The following SMG8 variants were observed in gnomAD, a reference collection of about 807,000 sequenced individuals.
SMG8 encodes the protein nonsense-mediated mRNA decay factor SMG8.
SMG8 carries 49 observed loss-of-function variants against 82.1 expected under a neutral mutation model. That is an observed-to-expected ratio of 0.60 (90% confidence interval 0.47 to 0.76). The LOEUF is 0.76. Ranked by LOEUF, SMG8 falls within the 30% of genes least tolerant of loss-of-function variation. The pLI is 0.00. For missense variants in SMG8, 969 were observed against 1,166.4 expected (o/e 0.83, Z 2.46); for synonymous variants, 404 against 430.0 (o/e 0.94, Z 0.75).
rs759085604 is a variant in SMG8 at position 59,212,386 on chromosome 17, A to G, written c.1805A>G (p.Asn602Ser). ...AGAAATCCGCCTGTGCTATATCACA[A>G]TAGCCGAGCTCGATCTACTGGTGCT... Reference protein sequence around the residue: ...ADRNPPVLYHNSRARSTGACN... With the variant: ...ADRNPPVLYHSSRARSTGACN... Residue 602 changes from asparagine (N) to serine (S), a missense_variant, in exon 2 of 4, where the codon AAT becomes AGT. By Grantham distance (46) the Asn-to-Ser change is conservative. Around this residue, in one of 3 missense-constraint regions of SMG8, gnomAD observed 662 missense variants for 884.8 expected, o/e 0.75. Coordinates refer to ENST00000300917, the MANE Select transcript of SMG8 (RefSeq NM_018149.7). 4 of 1,605,760 alleles carry G rather than the reference A, an allele frequency of 2.5e-6. No individual in the cohort carries two copies. The highest frequency in any genetic ancestry group is 2.2e-5 in the East Asian group (1 of 44,732).
In SMG8 at chr17:59,212,932, A is replaced by G; in HGVS notation, c.2109A>G (p.Thr703=). The G allele has an allele frequency of 6.2e-7, 1 of 1,614,150 alleles. No homozygotes were observed. The highest frequency in any genetic ancestry group is 1.1e-5 in the South Asian group (1 of 91,074). Residue 703 remains threonine (T), a synonymous_variant, in exon 3 of 4, where the codon ACA becomes ACG. Transcript: ENST00000300917. Reference sequence around the variant, plus strand: ...TAGCTTTGAGTTTGGGCCAATCCACAGATAGCTTAGGTACCTATCCAGCTG... The same window carrying G: ...TAGCTTTGAGTTTGGGCCAATCCACGGATAGCTTAGGTACCTATCCAGCTG... ...LSLALSLGQS[T]DSLGTYPADP... is the part of the protein sequence containing the mutation.
chr17:59,215,120 A>C lies in SMG8; in HGVS notation c.*118A>C. The C allele has an allele frequency of 4.6e-6, 3 of 649,800 alleles. No homozygotes were observed. The highest frequency in any genetic ancestry group is 8.2e-6 in the Non-Finnish European group (3 of 367,030). 40.3% of individuals were successfully genotyped at this position (649,800 alleles called of 1,614,324 possible). The stretch of plus-strand genomic sequence containing the variant: ...CAAATCCAAAATGTGTTTTGGTTAC[A>C]GGAGTTCAGTATTTGGAAACTAATT... On this transcript the variant is annotated 3_prime_UTR_variant, in exon 4 of 4. Coordinates refer to ENST00000300917, the MANE Select transcript of SMG8 (RefSeq NM_018149.7).
At chr17:59,212,292 A>G (rs2046949029) in intron 1 of SMG8, 49 bp from the exon 2 acceptor site, 1 of 1,495,986 alleles carries the variant, frequency 6.7e-7, no homozygotes, top group Non-Finnish European at 9.0e-7. Context: ...TGCAAAGTAA[A>G]TTCGCACATT....
rs769442181 is a variant in SMG8 at position 59,210,547 on chromosome 17, TGTC to T, written c.498_500del (p.Cys166_Arg167delinsTrp). Reference sequence around the variant, plus strand: ...TGACAATTCACAGCTTCTCCGGGCTTGTCGGGCTCTTCAGAGCGGGGAAGCTGG... The same window carrying T: ...TGACAATTCACAGCTTCTCCGGGCTTGGGCTCTTCAGAGCGGGGAAGCTGG... On this transcript the variant is annotated inframe_deletion, in exon 1 of 4. Coordinates refer to ENST00000300917, the MANE Select transcript of SMG8 (RefSeq NM_018149.7). 3 of 1,566,752 alleles carry T rather than the reference TGTC, an allele frequency of 1.9e-6. No homozygotes were observed. In the African/African-American group the frequency reaches 4.1e-5, roughly 21 times the overall value.
chr17:59,212,151 A>G (rs140863002), intron 1 of SMG8, 190 bp from the exon 2 acceptor site: 2 of 451,208 alleles, frequency 4.4e-6, no homozygotes, highest in East Asian at 6.6e-5. Flanking sequence ...TAATGGTAGC[A>G]GGAGGAAAAA....
Position 59,210,462 on chromosome 17 carries a change from T to C in SMG8, c.411T>C (p.Leu137=). The C allele has an allele frequency of 6.2e-7, 1 of 1,601,186 alleles. No individual in the cohort carries two copies. Among genetic ancestry groups the C allele is most frequent in the South Asian group, 1.1e-5 (1 of 89,124 alleles). The change falls in exon 1 of 4, where the codon CTT becomes CTC. Residue 137 remains leucine (L), a synonymous_variant. Transcript: ENST00000300917. The part of the protein sequence containing the change: ...RTEAGSQDYS[L]LQAYYSQESK... ...AGGCAGGCTCCCAGGACTACAGCCT[T>C]CTGCAGGCCTACTACAGTCAGGAAA...
exon 4 of SMG8, chr17:59,215,229 AAT>A (rs2046962235): frequency 2.1e-6 from 1 of 465,448 alleles, no homozygotes; most frequent in Non-Finnish European, 3.8e-6. Flanking sequence ...TCTAGAAAAG[AAT>A]ATAAAATACA....
rs765633458 is a variant in SMG8 at position 59,211,064 on chromosome 17, T to C, written c.1013T>C (p.Ile338Thr). ...CCTGCCAACCAAGCTTTCGTGTACA[T>C]AGTACCGGGAAGCCAGGAGGAGGAC... is the stretch of plus-strand genomic sequence containing the variant. ...TVPANQAFVY[I>T]VPGSQEEDPV... Residue 338 changes from isoleucine to threonine, a missense_variant, in exon 1 of 4, where the codon ATA (isoleucine) becomes ACA (threonine). Physicochemically the swap from Ile to Thr is moderately conservative, Grantham distance 89. This residue lies in a region of SMG8 where 662 missense variants were observed against 884.8 expected (regional missense o/e 0.75). Coordinates refer to ENST00000300917, the MANE Select transcript of SMG8 (RefSeq NM_018149.7). 1 of 1,614,180 alleles carries C rather than the reference T, an allele frequency of 6.2e-7. No individual in the cohort carries two copies. Among genetic ancestry groups the C allele is most frequent in the Non-Finnish European group, 8.5e-7 (1 of 1,180,014 alleles).
rs1671192812 is a variant in SMG8 at position 59,212,356 on chromosome 17, C to G, written c.1775C>G (p.Ala592Gly). The stretch of plus-strand genomic sequence containing the variant: ...TATTTTCCAGGAGAAAAACCAGAGG[C>G]TGATAGAAATCCGCCTGTGCTATAT... ...SLPKSGEKPEADRNPPVLYHN... is the reference protein window; with the variant it reads ...SLPKSGEKPEGDRNPPVLYHN... Residue 592 changes from alanine to glycine, a missense_variant, in exon 2 of 4, where the codon GCT (alanine) becomes GGT (glycine). Ala to Gly is a moderately conservative substitution (Grantham distance 60, BLOSUM62 0). Around this residue, in one of 3 missense-constraint regions of SMG8, gnomAD observed 662 missense variants for 884.8 expected, o/e 0.75. Coordinates refer to ENST00000300917, the MANE Select transcript of SMG8 (RefSeq NM_018149.7). 6.4e-7 allele frequency: 1 copy of G among 1,566,236 alleles called. No homozygotes were observed. The highest frequency in any genetic ancestry group is 8.7e-7 in the Non-Finnish European group (1 of 1,147,394).
In SMG8 at chr17:59,211,300, C is replaced by T. The variant is rs374081462; in HGVS notation, c.1249C>T (p.His417Tyr). 1 of 1,613,926 alleles carries T rather than the reference C, an allele frequency of 6.2e-7. No individual in the cohort carries two copies. The highest frequency in any genetic ancestry group is 2.2e-5 in the East Asian group (1 of 44,876). Residue 417 changes from histidine to tyrosine, a missense_variant, in exon 1 of 4, where the codon CAT becomes TAT. Around this residue, in one of 3 missense-constraint regions of SMG8, gnomAD observed 662 missense variants for 884.8 expected, o/e 0.75. Transcript: ENST00000300917. ...DFTLREFLWQHVELVLSKKGF... is the reference protein window; with the variant it reads ...DFTLREFLWQYVELVLSKKGF... ...CACTCTTCGGGAATTCCTATGGCAG[C>T]ATGTGGAGCTAGTTCTAAGCAAGAA...
chr17:59,211,496 T>G lies in SMG8; in HGVS notation c.1445T>G (p.Ile482Ser), dbSNP rs1012199447. The G allele has an allele frequency of 1.2e-6, 2 of 1,613,986 alleles. No individual in the cohort carries two copies. The highest frequency in any genetic ancestry group is 8.5e-7 in the Non-Finnish European group (1 of 1,179,992). Residue 482 changes from isoleucine (I) to serine (S), a missense_variant, in exon 1 of 4, where the codon ATT (isoleucine) becomes AGT (serine). Transcript: ENST00000300917. ...CTAACATCTAAGATTTTAAGCAGTA[T>G]TAAAGTCTTGGAAGGATTTTTGGAT... ...GELTSKILSS[I>S]KVLEGFLDID...
rs1568332162 is a variant in SMG8 at position 59,211,365 on chromosome 17, C to G, written c.1314C>G (p.Ser438=). ...DDSVGRNPQP[S]HFELPTYQKW... Reference sequence around the variant, plus strand: ...GTGTGGGCAGGAACCCACAGCCTTCCCATTTTGAACTTCCTACTTATCAGA... The same window carrying G: ...GTGTGGGCAGGAACCCACAGCCTTCGCATTTTGAACTTCCTACTTATCAGA... The change falls in exon 1 of 4, where the codon TCC becomes TCG. Residue 438 remains serine (S), a synonymous_variant. Transcript: ENST00000300917. 1.2e-6 allele frequency: 2 copies of G among 1,614,084 alleles called. No individual in the cohort carries two copies. The highest frequency in any genetic ancestry group is 2.2e-5 in the East Asian group (1 of 44,904).
At position 59,210,697 on chromosome 17, in the gene SMG8, A is replaced by C; in HGVS notation, c.646A>C (p.Thr216Pro). 1 of 1,613,978 alleles carries C rather than the reference A, an allele frequency of 6.2e-7. No individual in the cohort carries two copies. The highest frequency in any genetic ancestry group is 8.5e-7 in the Non-Finnish European group (1 of 1,179,992). The change falls in exon 1 of 4, where the codon ACT becomes CCT. Residue 216 changes from threonine (T) to proline (P), a missense_variant. Coordinates refer to ENST00000300917, the MANE Select transcript of SMG8 (RefSeq NM_018149.7). ...VCHILLLVHP[T>P]CSFDITYDRV... ...TCATATCTTGCTTCTGGTCCATCCC[A>C]CTTGTTCCTTTGATATCACTTATGA...
At position 59,211,240 on chromosome 17, in the gene SMG8, A is replaced by C. The variant is rs753796613; in HGVS notation, c.1189A>C (p.Ser397Arg). Reference sequence around the variant, plus strand: ...ACAACTTTCCTTTCACATTGACAGCAGCAGTTCCAGTTCTTCAGGCCAGCT... The same window carrying C: ...ACAACTTTCCTTTCACATTGACAGCCGCAGTTCCAGTTCTTCAGGCCAGCT... ...RQQLSFHIDS[S>R]SSSSSGQLVD... is the part of the protein sequence containing the mutation. The change falls in exon 1 of 4, where the codon AGC (serine) becomes CGC (arginine). Residue 397 changes from serine (S) to arginine (R), a missense_variant. Ser to Arg is a moderately radical substitution (Grantham distance 110). Transcript: ENST00000300917. 6.2e-7 allele frequency: 1 copy of C among 1,614,228 alleles called. No homozygotes were observed. Among genetic ancestry groups the C allele is most frequent in the African/African-American group, 1.3e-5 (1 of 75,068 alleles).
At position 59,213,184 on chromosome 17, in the gene SMG8, C is replaced by T; in HGVS notation, c.2361C>T (p.Gly787=). 1.2e-6 allele frequency: 2 copies of T among 1,614,180 alleles called. No homozygotes were observed. The highest frequency in any genetic ancestry group is 2.7e-5 in the African/African-American group (2 of 75,064). The change falls in exon 3 of 4, where the codon GGC becomes GGT. Residue 787 remains glycine (G), a synonymous_variant. Transcript: ENST00000300917. ...TTCATACAGGTTTGGACCAACAGGG[C>T]TTTATTCCAGGAACAAATTATCTTA... ...YNFHTGLDQQ[G]FIPGTNYLMP...
rs1199670800 is a variant in SMG8 at position 59,213,076 on chromosome 17, A to G, written c.2253A>G (p.Leu751=). 6.2e-7 allele frequency: 1 copy of G among 1,614,222 alleles called. No individual in the cohort carries two copies. Among genetic ancestry groups the G allele is most frequent in the South Asian group, 1.1e-5 (1 of 91,088 alleles). The change falls in exon 3 of 4, where the codon CTA becomes CTG. Residue 751 remains leucine, a synonymous_variant. Transcript: ENST00000300917. ...CAGTTGAGTATCTCCCAGGCATGCT[A>G]CATTCAAATTGCCCTAAAGGTCTCC... ...ASTVEYLPGM[L]HSNCPKGLLP... is the part of the protein sequence containing the mutation.
At chr17:59,212,692 G>T in intron 2 of SMG8, 37 bp from the exon 3 acceptor site, 1 of 1,548,780 alleles carries the variant, frequency 6.5e-7, no homozygotes, top group Non-Finnish European at 8.7e-7. Flanking sequence ...TATTTAAAAT[G>T]AAAAACTTAC....
At chr17:59,212,583 C>A in intron 2 of SMG8, 97 bp downstream of exon 2, 2 of 1,484,644 alleles carry the variant, frequency 1.3e-6, no homozygotes, top group South Asian at 1.3e-5. Flanking sequence ...AGTAGAAAAG[C>A]AAATGCAACT....
rs759472699 is a variant in SMG8 at position 59,214,792 on chromosome 17, C to T, written c.2779-13C>T. On this transcript the variant is annotated splice_polypyrimidine_tract_variant and intron_variant, in intron 3 of 3. Transcript: ENST00000300917. ...AGAAATGTGAAAATAATTATACTAC[C>T]TGTGTTTTTCAGGTTCAGCCAGGCC... 1.1e-6 allele frequency: 1 copy of T among 871,348 alleles called. No individual in the cohort carries two copies. The highest frequency in any genetic ancestry group is 2.4e-5 in the East Asian group (1 of 41,692). The allele number at this position is 871,348 out of a possible 1,614,324, so 54.0% of individuals were successfully genotyped here.
Sources: gnomAD v4.1 joint callset for allele counts on GRCh38, gnomAD v4.1.1 for gene constraint, gnomAD v4.1.1 regional missense constraint, MANE v1.5 for transcripts, NCBI Gene and HGNC (gene_info 2026-07-23, HGNC 2026-07-21) for gene names.